Variants in PCMTD1 observed in about 807,000 individuals in gnomAD.
PCMTD1 encodes the protein protein-L-isoaspartate (D-aspartate) O-methyltransferase domain containing 1, also known as protein-L-isoaspartate O-methyltransferase domain-containing protein 1.
Under a neutral mutation model 37.6 loss-of-function variants are expected in PCMTD1, and 12 were observed. That is an observed-to-expected ratio of 0.32 (90% CI 0.20 to 0.52). The LOEUF is 0.52. PCMTD1 is among the 20% of genes least tolerant of loss of function. PCMTD1 has a pLI of 0.97. For synonymous variants in PCMTD1, 117 were observed against 135.8 expected (o/e 0.86, Z 0.96); for missense variants, 235 against 421.3 (o/e 0.56, Z 3.87).
chr8:51,853,471 C>T (rs1277275881), intron 2 of PCMTD1, among the ~76,000 whole-genome samples: 1 of 152,142 alleles, frequency 6.6e-6, no homozygotes. Context: ...GAAACAAATT[C>T]AGAAAGGTTT....
At chr8:51,879,916 C>T (rs771543663) in intron 1 of PCMTD1, among the ~76,000 whole-genome samples, 1 of 151,968 alleles carries the variant, frequency 6.6e-6, no homozygotes, top group African/African-American at 2.4e-5. Context: ...GGTGCAGTGG[C>T]TCATGCCTAT....
chr8:51,827,509 A>C, intron 5 of PCMTD1: 1 of 285,820 alleles, frequency 3.5e-6, no homozygotes, highest in Non-Finnish European at 7.0e-6. Flanking sequence ...CATACATACC[A>C]CCCACCTGTT....
At chr8:51,840,913 A>G (rs2038138724) in intron 3 of PCMTD1, among the ~76,000 whole-genome samples, 1 of 152,216 alleles carries the variant, frequency 6.6e-6, no homozygotes, top group African/African-American at 2.4e-5. Flanking sequence ...TAGTGAATTA[A>G]GTGCATTAAC....
At chr8:51,843,776 G>GAC (rs2038180284) in intron 3 of PCMTD1, among the ~76,000 whole-genome samples, 2 of 152,134 alleles carry the variant, frequency 1.3e-5, no homozygotes, top group Admixed American at 1.3e-4. Context: ...GAGCTCCACA[G>GAC]ACACTTGCAC....
chr8:51,874,409 A>G (rs2038683707), intron 1 of PCMTD1, among the ~76,000 whole-genome samples: 2 of 134,886 alleles, frequency 1.5e-5, no homozygotes, highest in Admixed American at 1.6e-4. Context: ...ACTCAGGCAC[A>G]CCAGGGAAAG....
chr8:51,871,459 G>A (rs2038638029), intron 1 of PCMTD1, among the ~76,000 whole-genome samples: 1 of 152,190 alleles, frequency 6.6e-6, no homozygotes, highest in Non-Finnish European at 1.5e-5. Flanking sequence ...GCTTACCTGG[G>A]CTAAGACAGC....
chr8:51,821,984 C>A (rs2037855786), intron 5 of PCMTD1, among the ~76,000 whole-genome samples: 1 of 152,182 alleles, frequency 6.6e-6, no homozygotes. Flanking sequence ...ATCCGCCCAC[C>A]TTGGCCTCCC....
At chr8:51,837,754 T>TC (rs1427490667) in intron 3 of PCMTD1, among the ~76,000 whole-genome samples, 2 of 152,210 alleles carry the variant, frequency 1.3e-5, no homozygotes, top group Non-Finnish European at 2.9e-5. Context: ...TGTATTCTGA[T>TC]ACTAATATCA....
intron 5 of PCMTD1, among the ~76,000 whole-genome samples, chr8:51,820,927 G>A (rs2037838784): frequency 6.6e-6 from 1 of 152,020 alleles, no homozygotes; most frequent in Non-Finnish European, 1.5e-5. Flanking sequence ...AATGTACAGG[G>A]GCATGTGTGT....
At chr8:51,888,782 T>C (rs1238774699) in intron 1 of PCMTD1, among the ~76,000 whole-genome samples, 1 of 152,214 alleles carries the variant, frequency 6.6e-6, no homozygotes, top group Non-Finnish European at 1.5e-5. Context: ...AAAGTCTTTA[T>C]ATAGTGTATT....
At chr8:51,872,660 G>C (rs552476213) in intron 1 of PCMTD1, among the ~76,000 whole-genome samples, 6 of 152,174 alleles carry the variant, frequency 3.9e-5, no homozygotes, top group African/African-American at 1.4e-4. Context: ...TATTTTATTT[G>C]AAAAGCTATG....
chr8:51,868,793 T>C (rs183090264), intron 1 of PCMTD1, among the ~76,000 whole-genome samples: 10 of 152,308 alleles, frequency 6.6e-5, no homozygotes, highest in Admixed American at 4.6e-4. Context: ...TACCTTTTTA[T>C]TATACTCACT....
intron 3 of PCMTD1, among the ~76,000 whole-genome samples, chr8:51,844,527 G>T (rs2038190968): frequency 6.6e-6 from 1 of 152,074 alleles, no homozygotes; most frequent in Non-Finnish European, 1.5e-5. Flanking sequence ...ATTACATCAG[G>T]TTTCTGTTCT....
chr8:51,818,070 T>C lies in PCMTD1; in HGVS notation c.*2281A>G, dbSNP rs1309915683. 1 of 393,546 alleles carries C rather than the reference T, an allele frequency of 2.5e-6. No individual in the cohort carries two copies. The highest frequency in any genetic ancestry group is 2.1e-5 in the African/African-American group (1 of 47,522). The allele number at this position is 393,546 out of a possible 1,614,324, so 24.4% of individuals were successfully genotyped here. A position where few individuals can be genotyped will look rare whatever the true frequency, so the allele number is the denominator to read the frequency against. On this transcript the variant is annotated 3_prime_UTR_variant, in exon 6 of 6. Coordinates refer to ENST00000522514, the MANE Select transcript of PCMTD1 (RefSeq NM_052937.4). ...CACCTATAAAGCGTAATTTTCCATA[T>C]CAAGTAAACATAAATTCATTAAAAA... is the stretch of plus-strand genomic sequence containing the variant.
At chr8:51,828,772 C>G (rs1009848003) in intron 5 of PCMTD1, among the ~76,000 whole-genome samples, 7 of 152,196 alleles carry the variant, frequency 4.6e-5, no homozygotes, top group South Asian at 4.1e-4. Context: ...AATGCATACA[C>G]AGCCAAGTGA....
Position 51,820,338 on chromosome 8 carries a change from T to C in PCMTD1, c.*13A>G, listed in dbSNP as rs1368727038. Reference sequence around the variant, plus strand: ...AAGGAATTATCAGTAGGCATTTTTCTTCTTGATCTAAGTTATTTGTCTCTA... The same window carrying C: ...AAGGAATTATCAGTAGGCATTTTTCCTCTTGATCTAAGTTATTTGTCTCTA... On this transcript the variant is annotated 3_prime_UTR_variant, in exon 6 of 6. Transcript: ENST00000522514. 39 of 1,536,012 alleles carry C rather than the reference T, an allele frequency of 2.5e-5. No homozygotes were observed. The highest frequency in any genetic ancestry group is 3.3e-5 in the Non-Finnish European group (38 of 1,147,974).
chr8:51,883,826 C>T (rs1010902410), intron 1 of PCMTD1, among the ~76,000 whole-genome samples: 16 of 152,124 alleles, frequency 1.1e-4, no homozygotes, highest in Admixed American at 2.0e-4. Context: ...AAACCTCATT[C>T]CAGAACTTTA....
chr8:51,863,219 T>C (rs558998640), intron 1 of PCMTD1, among the ~76,000 whole-genome samples: 138 of 152,256 alleles, frequency 9.1e-4, no homozygotes, highest in African/African-American at 3.1e-3. Flanking sequence ...ATTTGGCAAA[T>C]TGCTGTACCG....
upstream of PCMTD1, chr8:51,899,096 G>T: frequency 2.0e-6 from 3 of 1,471,286 alleles, no homozygotes; most frequent in Non-Finnish European, 2.7e-6. Context: ...CTCCGGAGCC[G>T]CCGGGGTCCG....
Sources: gnomAD v4.1 joint callset for allele counts (sites outside exome capture counted in the v4.1 genomes callset) on GRCh38, gnomAD v4.1.1 for gene constraint, MANE v1.5 for transcripts, NCBI Gene and HGNC (gene_info 2026-07-23, HGNC 2026-07-21) for gene names.